The following TENM1 variants were observed in gnomAD, a reference collection of about 807,000 sequenced individuals.
The protein encoded by TENM1 is teneurin-1.
A neutral mutation model predicts 174.8 loss-of-function variants in TENM1; 35 were observed. That is an observed-to-expected ratio of 0.20 (90% CI 0.15 to 0.27). The LOEUF is 0.27. TENM1 is among the 10% of genes least tolerant of loss of function. The pLI is 1.00. For missense variants in TENM1, 1,633 were observed against 2,130.1 expected (o/e 0.77, Z 4.59); for synonymous variants, 781 against 798.7 (o/e 0.98, Z 0.37).
chrX:124,691,438 C>T (rs5958560), intron 5 of TENM1, among the ~76,000 whole-genome samples: 24,602 of 111,402 alleles, frequency 0.22, 3,513 homozygotes, highest in African/African-American at 0.54. Context: ...TACACTAAGA[C>T]GTCATTTCTA....
At chrX:124,627,537 T>C (rs1393846134) in intron 11 of TENM1, among the ~76,000 whole-genome samples, 1 of 111,509 alleles carries the variant, frequency 9.0e-6, no homozygotes, top group Non-Finnish European at 1.9e-5. Context: ...GAGAATGAGG[T>C]CATGGCAGCT....
intron 4 of TENM1, among the ~76,000 whole-genome samples, chrX:124,733,764 C>A (rs769779620): frequency 3.8e-4 from 43 of 112,383 alleles, no homozygotes; most frequent in African/African-American, 1.3e-3. Context: ...TTCTTCTCTG[C>A]GTCTTAAGAA....
rs1175230547 is a variant in TENM1, at chrX:124,715,389, T to TAA, written c.777-10140_777-10139dup. 1.1e-3 allele frequency among the ~76,000 whole-genome samples: 108 copies of TAA among 100,043 alleles called. 1 individual carries two copies. Among genetic ancestry groups the TAA allele is most frequent in the African/African-American group, 3.6e-3 (100 of 27,892 alleles). 86.9% of individuals were successfully genotyped at this position (100,043 alleles called of 115,157 possible). On this transcript the variant is annotated intron_variant, in intron 4 of 31. Coordinates refer to ENST00000422452, the Ensembl canonical transcript of TENM1. Reference sequence around the variant, plus strand: ...ATCAGACTCTAAATTTCCTAGGACTTAAAAAAAAAAAAAACTCTTCATTTT... The same window carrying TAA: ...ATCAGACTCTAAATTTCCTAGGACTTAAAAAAAAAAAAAAAACTCTTCATTTT...
At chrX:124,708,281 A>G (rs1356375639) in intron 4 of TENM1, among the ~76,000 whole-genome samples, 3 of 112,053 alleles carry the variant, frequency 2.7e-5, no homozygotes, top group African/African-American at 9.7e-5. Flanking sequence ...TGTTAATGGA[A>G]AATACCCACA....
chrX:124,404,581 A>G (rs183560362), intron 27 of TENM1, among the ~76,000 whole-genome samples: 135 of 111,451 alleles, frequency 1.2e-3, no homozygotes, highest in Non-Finnish European at 2.2e-3. Context: ...TCTTTGCCCA[A>G]ATGTTGCCTT....
intron 1 of TENM1, among the ~76,000 whole-genome samples, chrX:124,899,890 C>G (rs1195075548): frequency 1.8e-5 from 2 of 112,187 alleles, no homozygotes; most frequent in African/African-American, 6.5e-5. Flanking sequence ...AAAAAAAATT[C>G]TGCCCACAAG....
chrX:124,464,199 G>A (rs747074909), intron 22 of TENM1, among the ~76,000 whole-genome samples: 4 of 111,405 alleles, frequency 3.6e-5, no homozygotes, highest in Non-Finnish European at 5.7e-5. Context: ...TTAGCCCTAG[G>A]AAGGAAAGTT....
chrX:124,723,591 GT>G (rs1280230529), intron 4 of TENM1, among the ~76,000 whole-genome samples: 138 of 86,871 alleles, frequency 1.6e-3, no homozygotes, highest in South Asian at 3.8e-3. Flanking sequence ...TATCTGGTGG[GT>G]TTTTTTTTTT....
chrX:125,197,345 T>TA, the TENM1 span, among the ~76,000 whole-genome samples: 2 of 111,438 alleles, frequency 1.8e-5, no homozygotes, highest in Admixed American at 9.6e-5. Context: ...TTCAACTAAA[T>TA]AGAAAAACAA....
intron 15 of TENM1, among the ~76,000 whole-genome samples, chrX:124,533,757 T>C (rs1236567212): frequency 2.7e-5 from 3 of 112,298 alleles, no homozygotes; most frequent in African/African-American, 9.7e-5. Context: ...CGGCTGGCCC[T>C]GCACATGTGT....
chrX:124,814,641 C>A (rs1230690859), intron 3 of TENM1, among the ~76,000 whole-genome samples: 1 of 111,583 alleles, frequency 9.0e-6, no homozygotes, highest in Non-Finnish European at 1.9e-5. Context: ...GTCCCATATT[C>A]AGCTTCTCAG....
exon 22 of TENM1, chrX:124,481,840 T>G: frequency 3.3e-6 from 4 of 1,206,242 alleles, no homozygotes; most frequent in Non-Finnish European, 4.5e-6. Context: ...TCAAAATTCT[T>G]GGACAGATCT....
the TENM1 span, among the ~76,000 whole-genome samples, chrX:125,013,951 C>T: frequency 2.7e-5 from 3 of 111,599 alleles, no homozygotes; most frequent in Admixed American, 9.5e-5. Context: ...AAACAAATAC[C>T]TATAAGCAGA....
chrX:124,902,343 C>T (rs773571439), intron 1 of TENM1, among the ~76,000 whole-genome samples: 1 of 111,758 alleles, frequency 8.9e-6, no homozygotes, highest in Non-Finnish European at 1.9e-5. Context: ...GCCTATGTAC[C>T]TACTATGAAT....
chrX:124,815,534 C>T (rs750562525), intron 3 of TENM1, among the ~76,000 whole-genome samples: 13 of 111,122 alleles, frequency 1.2e-4, no homozygotes, highest in Non-Finnish European at 2.3e-4. Context: ...TTTTAAATAA[C>T]GATTGTCCTT....
chrX:124,588,721 T>A (rs1180445081), intron 11 of TENM1, among the ~76,000 whole-genome samples: 1 of 111,009 alleles, frequency 9.0e-6, no homozygotes, highest in Non-Finnish European at 1.9e-5. Context: ...AAAAAAGAAA[T>A]GCTATTTATT....
the TENM1 span, among the ~76,000 whole-genome samples, chrX:125,089,496 G>C: frequency 8.9e-6 from 1 of 111,794 alleles, no homozygotes; most frequent in Admixed American, 9.5e-5. Flanking sequence ...GTATGGTTTG[G>C]CACACAGTAG....
At chrX:124,852,677 C>G (rs960997192) in intron 3 of TENM1, among the ~76,000 whole-genome samples, 1 of 110,018 alleles carries the variant, frequency 9.1e-6, no homozygotes. Flanking sequence ...AAAGTAGGGA[C>G]TAGAAATCTA....
At chrX:124,432,252 T>C (rs1429051272) in intron 23 of TENM1, among the ~76,000 whole-genome samples, 1 of 112,002 alleles carries the variant, frequency 8.9e-6, no homozygotes, top group African/African-American at 3.2e-5. Flanking sequence ...TTCTCTCCTA[T>C]TTATAAATTT....
Sources: gnomAD v4.1 joint callset for allele counts (sites outside exome capture counted in the v4.1 genomes callset) on GRCh38, gnomAD v4.1.1 for gene constraint, MANE v1.5 for transcripts, NCBI Gene and HGNC (gene_info 2026-07-23, HGNC 2026-07-21) for gene names.